ACTN2: variants seen among roughly 807,000 people sequenced by gnomAD.
ACTN2 encodes actinin alpha 2.
In ACTN2, 39 loss-of-function variants were observed where a neutral mutation model predicts 113.8. The observed-to-expected ratio is 0.34, with a 90% CI of 0.27 to 0.45. ACTN2 has a LOEUF of 0.45. Among genes scored for constraint, ACTN2 ranks in the 20% least tolerant of loss-of-function variants. The pLI is 1.00. For synonymous variants in ACTN2, 429 were observed against 444.1 expected, an observed-to-expected ratio of 0.97 and a Z score of 0.43; for missense variants, 992 against 1,177.9, an observed-to-expected ratio of 0.84 and a Z score of 2.31.
chr1:236,701,482 G>T (rs1036967551), intron 1 of ACTN2, among the ~76,000 whole-genome samples: 5 of 152,158 alleles, frequency 3.3e-5, no homozygotes, highest in Non-Finnish European at 7.3e-5. Context: ...CCTGTGACTG[G>T]AGGGCTGTGG....
chr1:236,707,866 C>T (rs895289351), intron 1 of ACTN2, among the ~76,000 whole-genome samples: 16 of 151,712 alleles, frequency 1.1e-4, no homozygotes, highest in African/African-American at 3.9e-4. Context: ...CACAAGGCAC[C>T]ACGCCTGGCT....
At chr1:236,705,848 A>T (rs190149298) in intron 1 of ACTN2, among the ~76,000 whole-genome samples, 1 of 152,292 alleles carries the variant, frequency 6.6e-6, no homozygotes, top group East Asian at 1.9e-4. Context: ...GTTTCCTGTT[A>T]TACAGTCTCA....
chr1:236,734,347 T>C lies in ACTN2; in HGVS notation c.698-1288T>C, dbSNP rs2102915037. 3 of 949,616 alleles carry C rather than the reference T, an allele frequency of 3.2e-6. No homozygotes were observed. In the South Asian group the frequency reaches 5.2e-5, roughly 16 times the overall value. The allele number at this position is 949,616 out of a possible 1,614,324, so 58.8% of individuals were successfully genotyped here. On this transcript the variant is annotated intron_variant, in intron 7 of 20. Coordinates refer to ENST00000366578, the MANE Select transcript of ACTN2 (RefSeq NM_001103.4). The stretch of plus-strand genomic sequence containing the variant: ...TATGGGGGCGAAGGGGGAGGATTCC[T>C]GATTCCAACACCTCTGAGGAAGTGC...
At chr1:236,761,432 C>CATGTGT (rs113972650) in intron 20 of ACTN2, among the ~76,000 whole-genome samples, 2 of 150,426 alleles carry the variant, frequency 1.3e-5, no homozygotes, top group Admixed American at 6.6e-5. Flanking sequence ...TTTGTACTTG[C>CATGTGT]GTGTGTGTGT....
chr1:236,729,000 G>A (rs1405578908), intron 6 of ACTN2, among the ~76,000 whole-genome samples: 4 of 152,086 alleles, frequency 2.6e-5, no homozygotes, highest in Non-Finnish European at 5.9e-5. Flanking sequence ...TAGTGTGTAA[G>A]GCAGTACAGA....
intron 1 of ACTN2, among the ~76,000 whole-genome samples, chr1:236,705,038 C>T (rs1657785265): frequency 6.6e-6 from 1 of 152,116 alleles, no homozygotes; most frequent in Non-Finnish European, 1.5e-5. Context: ...TGCTTTACGG[C>T]CAGCTCCAAG....
chr1:236,762,993 A>T lies in ACTN2; in HGVS notation c.*374A>T. On this transcript the variant is annotated 3_prime_UTR_variant, in exon 21 of 21. Coordinates refer to ENST00000366578, the MANE Select transcript of ACTN2 (RefSeq NM_001103.4). ...CCAAGATTTAAGACCGGGGGGAAAA[A>T]ACCACAAATTGGTAAATAAAGGTTT... 3.1e-6 allele frequency: 1 copy of T among 321,868 alleles called. No individual in the cohort carries two copies. The highest frequency in any genetic ancestry group is 6.0e-6 in the Non-Finnish European group (1 of 166,598). 19.9% of individuals were successfully genotyped at this position (321,868 alleles called of 1,614,324 possible).
rs752499285 is a variant in ACTN2 at position 236,753,958 on chromosome 1, C to G, written c.1851C>G (p.Leu617=). 2 of 1,604,630 alleles carry G rather than the reference C, an allele frequency of 1.2e-6. No homozygotes were observed. The highest frequency in any genetic ancestry group is 2.2e-5 in the South Asian group (2 of 90,970). ...TTGGGCCCTGACAGGTGAAGCAACT[C>G]GTGCCCATCCGCGATCAATCCCTGC... The part of the protein sequence containing the change: ...LRTKWDKVKQ[L]VPIRDQSLQE... Residue 617 remains leucine, a synonymous_variant, in exon 16 of 21, where the codon CTC becomes CTG. Transcript: ENST00000366578.
intron 1 of ACTN2, among the ~76,000 whole-genome samples, chr1:236,699,148 T>A (rs1333840237): frequency 1.3e-5 from 2 of 152,242 alleles, no homozygotes; most frequent in Admixed American, 6.5e-5. Context: ...CACTAAACTT[T>A]ATCTGTTTTT....
chr1:236,687,056 A>G (rs889872375), intron 1 of ACTN2, among the ~76,000 whole-genome samples: 2 of 151,812 alleles, frequency 1.3e-5, no homozygotes, highest in African/African-American at 4.8e-5. Context: ...CCTCACACCA[A>G]CCCGCGTTAG....
intron 11 of ACTN2, among the ~76,000 whole-genome samples, chr1:236,743,586 G>A (rs1890515): frequency 0.94 from 142,147 of 150,482 alleles, 67,205 homozygotes; most frequent in African/African-American, 0.98. Context: ...TTTTTTTTTA[G>A]CTGTCTCCTG....
chr1:236,693,854 G>C (rs1046799751), intron 1 of ACTN2, among the ~76,000 whole-genome samples: 1 of 152,122 alleles, frequency 6.6e-6, no homozygotes, highest in Non-Finnish European at 1.5e-5. Flanking sequence ...GTGGTTCTTG[G>C]TTGCCTTCAG....
chr1:236,707,023 C>T (rs1657844102), intron 1 of ACTN2, among the ~76,000 whole-genome samples: 1 of 152,142 alleles, frequency 6.6e-6, no homozygotes, highest in South Asian at 2.1e-4. Flanking sequence ...ATGGGATTTG[C>T]CTTTTTACAA....
intron 3 of ACTN2, among the ~76,000 whole-genome samples, chr1:236,719,409 A>G (rs1658317755): frequency 2.0e-5 from 3 of 152,214 alleles, no homozygotes; most frequent in Admixed American, 6.5e-5. Context: ...TGTATGCACA[A>G]CTGAGTCCTG....
intron 15 of ACTN2, among the ~76,000 whole-genome samples, chr1:236,752,291 G>A (rs760351643): frequency 2.0e-5 from 3 of 152,128 alleles, no homozygotes; most frequent in Admixed American, 6.5e-5. Context: ...AGTCCACCAC[G>A]TGGGTCTGAA....
chr1:236,702,363 A>G (rs1366676661), intron 1 of ACTN2, among the ~76,000 whole-genome samples: 1 of 152,220 alleles, frequency 6.6e-6, no homozygotes. Flanking sequence ...GTTTAAAGAT[A>G]TGTATTTAAA....
rs1657509797 is a variant in ACTN2, at chr1:236,696,661, C to A, written c.126+9862C>A. On this transcript the variant is annotated intron_variant, in intron 1 of 20. Transcript: ENST00000366578. Reference sequence around the variant, plus strand: ...CCCAAACAACTTTACTGCTGTTGTCCCACTATTTTTTTTTTTTTTTTTTGA... The same window carrying A: ...CCCAAACAACTTTACTGCTGTTGTCACACTATTTTTTTTTTTTTTTTTTGA... 3.5e-5 allele frequency among the ~76,000 whole-genome samples: 5 copies of A among 143,646 alleles called. No homozygotes were observed. The South Asian group carries it at 1.1e-3, about 32-fold the overall frequency. The allele number at this position is 143,646 out of a possible 152,430, so 94.2% of individuals were successfully genotyped here.
intron 11 of ACTN2, among the ~76,000 whole-genome samples, chr1:236,743,541 C>T (rs1365489819): frequency 3.3e-5 from 5 of 150,856 alleles, no homozygotes; most frequent in South Asian, 4.2e-4. Context: ...ACACACATGC[C>T]GGTTTCCATA....
intron 1 of ACTN2, among the ~76,000 whole-genome samples, chr1:236,693,796 A>G (rs1410627452): frequency 1.3e-5 from 2 of 152,040 alleles, no homozygotes; most frequent in Non-Finnish European, 2.9e-5. Flanking sequence ...AAATGATCTT[A>G]ATAAGACACA....
Sources: gnomAD v4.1 joint callset for allele counts (sites outside exome capture counted in the v4.1 genomes callset) on GRCh38, gnomAD v4.1.1 for gene constraint, MANE v1.5 for transcripts, NCBI Gene and HGNC (gene_info 2026-07-23, HGNC 2026-07-21) for gene names.